The following SLC26A7 variants were observed in gnomAD, a reference collection of about 807,000 sequenced individuals.
SLC26A7 encodes the protein solute carrier family 26 member 7, also known as anion exchange transporter.
A neutral mutation model predicts 82.5 loss-of-function variants in SLC26A7; 59 were observed. The observed-to-expected ratio is 0.72, with a 90% CI of 0.58 to 0.89. SLC26A7 has a LOEUF of 0.89. SLC26A7 is among the 40% of genes least tolerant of loss of function. The probability of loss-of-function intolerance (pLI) is 0.00; values close to 1 mark genes in which losing one functional copy is unlikely to be tolerated. For missense variants in SLC26A7, 820 were observed against 793.0 expected (o/e 1.03, Z -0.41); for synonymous variants, 271 against 274.3 (o/e 0.99, Z 0.12).
At chr8:91,241,881 G>A (rs1489422673) in intron 2 of SLC26A7, among the ~76,000 whole-genome samples, 1 of 152,028 alleles carries the variant, frequency 6.6e-6, no homozygotes, top group East Asian at 1.9e-4. Flanking sequence ...TGATCTTTTG[G>A]TACTATTTCA....
chr8:91,343,459 A>G lies in SLC26A7; in HGVS notation c.1133A>G (p.Lys378Arg), dbSNP rs777287310. 1.9e-6 allele frequency: 3 copies of G among 1,610,290 alleles called. No homozygotes were observed. The highest frequency in any genetic ancestry group is 1.7e-6 in the Non-Finnish European group (2 of 1,179,018). The change falls in exon 9 of 19, where the codon AAG (lysine) becomes AGG (arginine). Residue 378 changes from lysine to arginine, a missense_variant. Transcript: ENST00000276609. ...GCTGGCCTGTACAGCACAGGAGCGAAGACACAGGTAACTGAATTGTTCCAC... is the reference window on the plus strand; with the variant it reads ...GCTGGCCTGTACAGCACAGGAGCGAGGACACAGGTAACTGAATTGTTCCAC... The part of the protein sequence containing the change: ...RTAGLYSTGA[K>R]TQVACLISCI...
intron 4 of SLC26A7, among the ~76,000 whole-genome samples, chr8:91,316,988 TAAAAAAAAAA>T (rs61581659): frequency 1.3e-4 from 2 of 15,538 alleles, no homozygotes; most frequent in South Asian, 7.5e-3. Flanking sequence ...ACCCTGTCTC[TAAAAAAAAAA>T]AAAAAAAAAA....
At chr8:91,391,802 A>T (rs1814977529) in intron 16 of SLC26A7, among the ~76,000 whole-genome samples, 2 of 145,480 alleles carry the variant, frequency 1.4e-5, no homozygotes. Flanking sequence ...AAACACTAGG[A>T]TTTTTTTTTT....
intron 2 of SLC26A7, among the ~76,000 whole-genome samples, chr8:91,225,283 G>T (rs926695133): frequency 1.4e-4 from 21 of 152,182 alleles, no homozygotes; most frequent in African/African-American, 5.1e-4. Flanking sequence ...GGGTTGGGAT[G>T]CTAGATCCCA....
intron 15 of SLC26A7, among the ~76,000 whole-genome samples, chr8:91,380,078 G>T (rs530082218): frequency 2.0e-5 from 3 of 152,082 alleles, no homozygotes; most frequent in South Asian, 4.1e-4. Flanking sequence ...AGCTATTATT[G>T]GGGAAATGCA....
Position 91,338,180 on chromosome 8 carries a change from A to G in SLC26A7, c.826A>G (p.Thr276Ala). Residue 276 changes from threonine (T) to alanine (A), a missense_variant, in exon 7 of 19, where the codon ACC becomes GCC. Physicochemically the swap from Thr to Ala is moderately conservative, Grantham distance 58 (BLOSUM62 0). Transcript: ENST00000276609. ...IIAASFACYC[T>A]NMENTYGLEV... is the part of the protein sequence containing the mutation. ...TGCTGCATCATTTGCTTGTTATTGC[A>G]CCAATATGGAAAACACATATGGATT... 6.2e-7 allele frequency: 1 copy of G among 1,610,918 alleles called. No homozygotes were observed. Among genetic ancestry groups the G allele is most frequent in the African/African-American group, 1.3e-5 (1 of 74,874 alleles).
chr8:91,255,854 T>G (rs1307641771), intron 2 of SLC26A7, among the ~76,000 whole-genome samples: 3 of 152,246 alleles, frequency 2.0e-5, no homozygotes, highest in East Asian at 3.9e-4. Flanking sequence ...AATTTTAGAG[T>G]GTTGAAAACA....
intron 3 of SLC26A7, among the ~76,000 whole-genome samples, chr8:91,289,860 A>C (rs987604075): frequency 6.6e-5 from 10 of 152,252 alleles, no homozygotes; most frequent in Admixed American, 3.9e-4. Flanking sequence ...TACCTTACCT[A>C]CCTCTATATT....
intron 2 of SLC26A7, among the ~76,000 whole-genome samples, chr8:91,244,075 A>T (rs1810510251): frequency 6.6e-6 from 1 of 152,224 alleles, no homozygotes; most frequent in Non-Finnish European, 1.5e-5. Flanking sequence ...TAGAAATAGG[A>T]TTGCTAAAGC....
At chr8:91,362,741 T>C (rs113451589) in intron 12 of SLC26A7, among the ~76,000 whole-genome samples, 6 of 152,076 alleles carry the variant, frequency 3.9e-5, no homozygotes, top group African/African-American at 1.4e-4. Flanking sequence ...GGCCTTATAC[T>C]GCATCAGAGA....
chr8:91,364,080 C>G (rs1295382510), intron 13 of SLC26A7, among the ~76,000 whole-genome samples: 1 of 151,590 alleles, frequency 6.6e-6, no homozygotes, highest in Non-Finnish European at 1.5e-5. Context: ...CTTGTATAAA[C>G]AGTTTTGCTC....
rs184757675 is a variant in SLC26A7, at chr8:91,346,424, T to C, written c.1140+2958T>C. On this transcript the variant is annotated intron_variant, in intron 9 of 18. Coordinates refer to ENST00000276609, the MANE Select transcript of SLC26A7 (RefSeq NM_052832.4). ...GGCTATTTGTGAAAGCAACTTTCTATGTGACATGACTTCACAAAACAACCC... is the reference window on the plus strand; with the variant it reads ...GGCTATTTGTGAAAGCAACTTTCTACGTGACATGACTTCACAAAACAACCC... Among the ~76,000 whole-genome samples the C allele has an allele frequency of 1.5e-3, 222 of 152,272 alleles. 1 individual carries two copies. Among genetic ancestry groups the C allele is most frequent in the Middle Eastern group, 0.01 (3 of 292 alleles).
chr8:91,291,885 G>A (rs1488377906), intron 3 of SLC26A7, among the ~76,000 whole-genome samples: 3 of 152,152 alleles, frequency 2.0e-5, no homozygotes, highest in Non-Finnish European at 2.9e-5. Flanking sequence ...CTGTTAAGTC[G>A]AATGAGCTAC....
At position 91,389,329 on chromosome 8, in the gene SLC26A7, C is replaced by G; in HGVS notation, c.1676-9C>G. ...CTCTCCCTAACTCAAGTCTCTGTTTCTCCTACAGAAGAAGCTTCACAGTCC... is the reference window on the plus strand; with the variant it reads ...CTCTCCCTAACTCAAGTCTCTGTTTGTCCTACAGAAGAAGCTTCACAGTCC... On this transcript the variant is annotated splice_polypyrimidine_tract_variant and intron_variant, in intron 15 of 18. Transcript: ENST00000276609. 6.2e-7 allele frequency: 1 copy of G among 1,606,640 alleles called. No individual in the cohort carries two copies. Among genetic ancestry groups the G allele is most frequent in the African/African-American group, 1.3e-5 (1 of 74,902 alleles).
chr8:91,214,969 T>C (rs367599497), intron 1 of SLC26A7, among the ~76,000 whole-genome samples: 184 of 152,192 alleles, frequency 1.2e-3, no homozygotes, highest in African/African-American at 4.2e-3. Context: ...CATTGGCTCA[T>C]GGTTCCTTTC....
At position 91,393,779 on chromosome 8, in the gene SLC26A7, C is replaced by T; in HGVS notation, c.1777-18C>T. ...CTATTCTGAATTAATTGTGGGTATC[C>T]TATTTTAATTCTTCCAGGTTTACAT... On this transcript the variant is annotated intron_variant, in intron 16 of 18. Transcript: ENST00000276609. The T allele has an allele frequency of 6.2e-7, 1 of 1,612,202 alleles. No individual in the cohort carries two copies. Among genetic ancestry groups the T allele is most frequent in the Non-Finnish European group, 8.5e-7 (1 of 1,178,704 alleles).
At chr8:91,231,349 G>C (rs770148480) in intron 2 of SLC26A7, among the ~76,000 whole-genome samples, 30 of 152,110 alleles carry the variant, frequency 2.0e-4, no homozygotes, top group Non-Finnish European at 4.3e-4. Flanking sequence ...GTTTTAACAA[G>C]TGAACAATTA....
chr8:91,295,187 T>C (rs1811982383), intron 3 of SLC26A7, among the ~76,000 whole-genome samples: 1 of 152,220 alleles, frequency 6.6e-6, no homozygotes, highest in Non-Finnish European at 1.5e-5. Flanking sequence ...GTCACATTAT[T>C]GGTAAATTGA....
At chr8:91,277,795 T>C (rs1455638883) in intron 2 of SLC26A7, among the ~76,000 whole-genome samples, 1 of 152,148 alleles carries the variant, frequency 6.6e-6, no homozygotes, top group African/African-American at 2.4e-5. Context: ...AAAGCTAAAA[T>C]AAAATATTTT....
Sources: gnomAD v4.1 joint callset for allele counts (sites outside exome capture counted in the v4.1 genomes callset) on GRCh38, gnomAD v4.1.1 for gene constraint, MANE v1.5 for transcripts, NCBI Gene and HGNC (gene_info 2026-07-23, HGNC 2026-07-21) for gene names.